The following RIMS1 variants were observed in gnomAD, a reference collection of about 807,000 sequenced individuals.
The protein encoded by RIMS1 is regulating synaptic membrane exocytosis protein 1.
RIMS1 carries 83 observed loss-of-function variants against 214.1 expected under a neutral mutation model. The ratio of observed to expected loss-of-function variants is 0.39; its 90% CI spans 0.32 to 0.47. RIMS1 has a LOEUF of 0.47. Ranked by LOEUF, RIMS1 falls within the 20% of genes least tolerant of loss-of-function variation. The pLI is 0.99. For missense variants in RIMS1, 2,050 were observed against 2,161.8 expected (o/e 0.95, Z 1.03); for synonymous variants, 793 against 786.8 (o/e 1.01, Z -0.13).
At chr6:72,354,078 G>A (rs2097550632) in intron 29 of RIMS1, among the ~76,000 whole-genome samples, 1 of 152,116 alleles carries the variant, frequency 6.6e-6, no homozygotes, top group Non-Finnish European at 1.5e-5. Flanking sequence ...AAATTAGCCG[G>A]GCGTGGTGGC....
intron 27 of RIMS1, among the ~76,000 whole-genome samples, chr6:72,312,622 A>G (rs916758428): frequency 6.6e-6 from 1 of 152,118 alleles, no homozygotes; most frequent in African/African-American, 2.4e-5. Context: ...ATAATGTACA[A>G]TGAAATTTTA....
chr6:71,950,135 A>G (rs1248732062), intron 1 of RIMS1, among the ~76,000 whole-genome samples: 1 of 152,202 alleles, frequency 6.6e-6, no homozygotes, highest in East Asian at 1.9e-4. Flanking sequence ...TATTTCATTT[A>G]CTTGACACTC....
Position 72,055,183 on chromosome 6 carries a change from G to A in RIMS1, c.246-41766G>A, listed in dbSNP as rs149622309. On this transcript the variant is annotated intron_variant, in intron 2 of 33. Transcript: ENST00000521978. The stretch of plus-strand genomic sequence containing the variant: ...ATTGGGGAGTTCACAGAGGCCTTGC[G>A]ATGTAAACTTTGTGACTGTCAAGAA... Among the ~76,000 whole-genome samples the A allele has an allele frequency of 3.8e-3, 582 of 152,226 alleles. 1 individual carries two copies. The highest frequency in any genetic ancestry group is 6.2e-3 in the Non-Finnish European group (420 of 68,010).
intron 15 of RIMS1, 26 bp downstream of exon 15, chr6:72,251,394 A>G (rs1394685242): frequency 6.6e-7 from 1 of 1,519,818 alleles, no homozygotes. Context: ...TTTAGTTGCC[A>G]CAAAGTAATT....
intron 4 of RIMS1, among the ~76,000 whole-genome samples, chr6:72,120,884 T>C (rs545363897): frequency 2.0e-5 from 3 of 152,108 alleles, no homozygotes; most frequent in Non-Finnish European, 2.9e-5. Flanking sequence ...TAGCCAGTTT[T>C]CCCAGCACCA....
At chr6:72,059,271 C>T (rs879449842) in intron 2 of RIMS1, among the ~76,000 whole-genome samples, 11 of 152,186 alleles carry the variant, frequency 7.2e-5, no homozygotes, top group East Asian at 1.9e-4. Context: ...CTGTTGCCCA[C>T]GCTGCAGTAT....
At position 72,105,465 on chromosome 6, in the gene RIMS1, A is replaced by T. The variant is rs566538429; in HGVS notation, c.471+5479A>T. Reference sequence around the variant, plus strand: ...CACTAAGCTTACTTTTGTTTAACCAAGCAGCCACTAAAATTAATTATTATA... The same window carrying T: ...CACTAAGCTTACTTTTGTTTAACCATGCAGCCACTAAAATTAATTATTATA... On this transcript the variant is annotated intron_variant, in intron 4 of 33. Coordinates refer to ENST00000521978, the MANE Select transcript of RIMS1 (RefSeq NM_014989.7). 1.2e-4 allele frequency among the ~76,000 whole-genome samples: 18 copies of T among 152,238 alleles called. No individual in the cohort carries two copies. The East Asian group carries it at 2.7e-3, about 23-fold the overall frequency.
intron 6 of RIMS1, among the ~76,000 whole-genome samples, chr6:72,194,543 A>C (rs1436144362): frequency 6.6e-6 from 1 of 152,182 alleles, no homozygotes; most frequent in Non-Finnish European, 1.5e-5. Context: ...ATTGAGAAAA[A>C]TAAACAATAA....
At chr6:71,931,310 A>C (rs1290061445) in intron 1 of RIMS1, among the ~76,000 whole-genome samples, 1 of 152,068 alleles carries the variant, frequency 6.6e-6, no homozygotes, top group African/African-American at 2.4e-5. Flanking sequence ...TCTGACAGTA[A>C]TATAAGATTT....
chr6:72,007,258 A>AG (rs1161334017), intron 2 of RIMS1, among the ~76,000 whole-genome samples: 1 of 152,214 alleles, frequency 6.6e-6, no homozygotes, highest in Admixed American at 6.5e-5. Flanking sequence ...CCTGCACCTG[A>AG]GGGTTCTGAC....
chr6:72,048,643 A>G (rs1244320863), intron 2 of RIMS1, among the ~76,000 whole-genome samples: 3 of 152,242 alleles, frequency 2.0e-5, no homozygotes, highest in Non-Finnish European at 4.4e-5. Flanking sequence ...TGTTCCATCA[A>G]GAGCCTGCTA....
intron 2 of RIMS1, among the ~76,000 whole-genome samples, chr6:72,025,286 T>A (rs1212182769): frequency 1.3e-5 from 2 of 152,136 alleles, no homozygotes; most frequent in African/African-American, 4.8e-5. Flanking sequence ...GTTTGGTTTT[T>A]CCCCAAGGAT....
At chr6:72,009,733 G>A (rs1212304966) in intron 2 of RIMS1, among the ~76,000 whole-genome samples, 2 of 152,114 alleles carry the variant, frequency 1.3e-5, no homozygotes, top group African/African-American at 4.8e-5. Context: ...TAGAAGAAAT[G>A]GATAAATTCC....
chr6:72,313,125 T>C lies in RIMS1; in HGVS notation c.3964-381T>C, dbSNP rs573634378. Among the ~76,000 whole-genome samples, 54 of 152,092 alleles carry C rather than the reference T, an allele frequency of 3.6e-4. No homozygotes were observed. The South Asian group carries it at 0.011, about 30-fold the overall frequency. On this transcript the variant is annotated intron_variant, in intron 27 of 33. Transcript: ENST00000521978. ...GATTAGGAATGCTCAGCCTATACTT[T>C]GACTAGAGTAGAAGGTGAATAAAAT...
chr6:72,211,906 G>T (rs905462341), intron 6 of RIMS1, among the ~76,000 whole-genome samples: 1 of 152,070 alleles, frequency 6.6e-6, no homozygotes, highest in Non-Finnish European at 1.5e-5. Context: ...TCATTTCCAG[G>T]ATAAACCAGT....
At chr6:72,045,014 C>T (rs1355756461) in intron 2 of RIMS1, among the ~76,000 whole-genome samples, 1 of 151,636 alleles carries the variant, frequency 6.6e-6, no homozygotes, top group Non-Finnish European at 1.5e-5. Flanking sequence ...TACTAGTAAG[C>T]AATAAAAAGG....
intron 2 of RIMS1, among the ~76,000 whole-genome samples, chr6:71,996,516 A>G (rs2057021): frequency 0.11 from 17,271 of 152,288 alleles, 1,195 homozygotes; most frequent in South Asian, 0.19. Flanking sequence ...ATCAAGACCT[A>G]AAGCTCTCTT....
At chr6:72,096,907 C>T (rs1404513391) in intron 2 of RIMS1, 42 bp from the exon 3 acceptor site, 1 of 1,494,706 alleles carries the variant, frequency 6.7e-7, no homozygotes, top group Admixed American at 1.8e-5. Flanking sequence ...GTTTTGTCTT[C>T]CACTATTTAC....
chr6:72,306,542 C>G (rs1404473796), intron 26 of RIMS1, among the ~76,000 whole-genome samples: 4 of 152,148 alleles, frequency 2.6e-5, no homozygotes, highest in African/African-American at 9.7e-5. Flanking sequence ...TTCTTGCCCT[C>G]CTCTGCTACT....
Sources: allele counts gnomAD v4.1 joint callset (sites outside exome capture counted in the v4.1 genomes callset), GRCh38; gene constraint gnomAD v4.1.1; transcripts MANE v1.5; gene names NCBI Gene and HGNC (gene_info 2026-07-23, HGNC 2026-07-21).